Variants in COL4A5 observed in about 807,000 individuals in gnomAD.
COL4A5 encodes the protein collagen type IV alpha 5 chain, also known as collagen alpha-5(IV) chain.
Under a neutral mutation model 130.2 loss-of-function variants are expected in COL4A5, and 26 were observed. The ratio of observed to expected loss-of-function variants is 0.20; its 90% CI spans 0.15 to 0.28. The LOEUF is 0.28. Among genes scored for constraint, COL4A5 ranks in the 10% least tolerant of loss-of-function variants. COL4A5 has a pLI of 1.00. For missense variants in COL4A5, 1,131 were observed against 1,344.3 expected (o/e 0.84, Z 2.48); for synonymous variants, 496 against 439.6 (o/e 1.13, Z -1.60).
At chrX:108,445,327 T>C (rs1432969629) in intron 1 of COL4A5, among the ~76,000 whole-genome samples, 1 of 111,835 alleles carries the variant, frequency 8.9e-6, no homozygotes, top group Non-Finnish European at 1.9e-5. Context: ...GATTAGAATT[T>C]TGTGGATTCA....
intron 47 of COL4A5, among the ~76,000 whole-genome samples, chrX:108,684,879 G>A (rs2068513898): frequency 8.9e-6 from 1 of 112,429 alleles, no homozygotes; most frequent in South Asian, 3.7e-4. Context: ...ACCAAATCCA[G>A]CAGCACATCA....
intron 2 of COL4A5, among the ~76,000 whole-genome samples, chrX:108,558,216 G>T (rs1220517876): frequency 9.2e-6 from 1 of 109,235 alleles, no homozygotes; most frequent in Non-Finnish European, 1.9e-5. Flanking sequence ...TGAGCCTTCG[G>T]GGTTCTTAAA....
chrX:108,646,905 A>C (rs2067603120), intron 36 of COL4A5, among the ~76,000 whole-genome samples: 1 of 108,769 alleles, frequency 9.2e-6, no homozygotes, highest in Non-Finnish European at 1.9e-5. Context: ...ATGCGGCATT[A>C]TTTCTGAGGG....
chrX:108,606,789 T>C lies in COL4A5; in HGVS notation c.2292T>C (p.Leu764=). The change falls in exon 29 of 53, where the codon CTT becomes CTC. Residue 764 remains leucine, a synonymous_variant. Transcript: ENST00000328300. ...CTGGGCCACCTGGGCCACCAGGACT[T>C]CCAGGTTTCAAAGGAGCACTTGGTC... The part of the protein sequence containing the change: ...ALPGPPGPPG[L]PGFKGALGPK... 8.3e-7 allele frequency: 1 copy of C among 1,211,466 alleles called. No homozygotes were observed. Among genetic ancestry groups the C allele is most frequent in the Non-Finnish European group, 1.1e-6 (1 of 895,154 alleles).
intron 30 of COL4A5, among the ~76,000 whole-genome samples, chrX:108,616,584 GT>G (rs1960577815): frequency 9.0e-6 from 1 of 111,264 alleles, no homozygotes; most frequent in African/African-American, 3.3e-5. Flanking sequence ...CTCCTATGGT[GT>G]TTTGTCATTT....
chrX:108,680,693 G>T lies in COL4A5; in HGVS notation c.3957G>T (p.Arg1319=), dbSNP rs758920904. The change falls in exon 45 of 53, where the codon CGG becomes CGT. Residue 1319 remains arginine (R), a synonymous_variant. Coordinates refer to ENST00000328300, the MANE Select transcript of COL4A5 (RefSeq NM_033380.3). ...TATTTATTCAGGGTAATCCTGGCCGGCCGGGTCTCAATGGAATGAAAGGAG... is the reference window on the plus strand; with the variant it reads ...TATTTATTCAGGGTAATCCTGGCCGTCCGGGTCTCAATGGAATGAAAGGAG... ...GPPGLQGNPG[R]PGLNGMKGDP... is the part of the protein sequence containing the mutation. 3.7e-5 allele frequency: 45 copies of T among 1,207,313 alleles called. No individual in the cohort carries two copies. The highest frequency in any genetic ancestry group is 5.0e-5 in the Non-Finnish European group (45 of 893,563).
At chrX:108,584,593 C>T (rs2066305004) in intron 18 of COL4A5, 68 bp downstream of exon 18, 7 of 885,529 alleles carry the variant, frequency 7.9e-6, no homozygotes, top group Admixed American at 5.1e-5. Flanking sequence ...GTGCCTTAAT[C>T]GCATACTCCC....
At position 108,692,668 on chromosome X, in the gene COL4A5, G is replaced by A. The variant is rs957663489; in HGVS notation, c.4529-80G>A. 1.6e-4 allele frequency: 148 copies of A among 938,856 alleles called. 1 individual carries two copies. Among genetic ancestry groups the A allele is most frequent in the Middle Eastern group, 1.1e-3 (4 of 3,770 alleles). The allele number at this position is 938,856 out of a possible 1,213,427, so 77.4% of individuals were successfully genotyped here. A position where few individuals can be genotyped will look rare whatever the true frequency, so the allele number is the denominator to read the frequency against. ...AAAGGCTGGCAAGTTTCCTTGAAAG[G>A]CTGTTTGCTATTGTTTTAGAAGAAA... On this transcript the variant is annotated intron_variant, in intron 49 of 52. Coordinates refer to ENST00000328300, the MANE Select transcript of COL4A5 (RefSeq NM_033380.3).
At chrX:108,659,530 CT>C (rs1325844038) in intron 37 of COL4A5, among the ~76,000 whole-genome samples, 3 of 110,219 alleles carry the variant, frequency 2.7e-5, no homozygotes, top group Non-Finnish European at 5.7e-5. Context: ...TCTATTTCTC[CT>C]TTTCTCTCTG....
chrX:108,455,988 C>T (rs749251498), intron 1 of COL4A5, among the ~76,000 whole-genome samples: 4 of 111,702 alleles, frequency 3.6e-5, no homozygotes, highest in Non-Finnish European at 7.5e-5. Context: ...TTAATCTTGC[C>T]AAATTTTGCT....
chrX:108,670,800 G>A (rs2068188023), intron 42 of COL4A5: 1 of 277,903 alleles, frequency 3.6e-6, no homozygotes. Flanking sequence ...CCAGCACTTT[G>A]GGAGGCCAAG....
intron 1 of COL4A5, among the ~76,000 whole-genome samples, chrX:108,514,079 T>C (rs1005812822): frequency 1.8e-5 from 2 of 111,931 alleles, no homozygotes; most frequent in African/African-American, 6.5e-5. Context: ...TTCTGTTTCA[T>C]TGATTTATTT....
intron 47 of COL4A5, among the ~76,000 whole-genome samples, chrX:108,685,637 T>A (rs1296702940): frequency 8.9e-6 from 1 of 112,295 alleles, no homozygotes; most frequent in Non-Finnish European, 1.9e-5. Flanking sequence ...ATAGCCAACT[T>A]TCATTAATCA....
chrX:108,541,343 A>G (rs1367545497), intron 2 of COL4A5, among the ~76,000 whole-genome samples: 1 of 112,368 alleles, frequency 8.9e-6, no homozygotes, highest in Non-Finnish European at 1.9e-5. Flanking sequence ...TTTTGAGATA[A>G]GAATGGAATA....
intron 2 of COL4A5, among the ~76,000 whole-genome samples, chrX:108,557,602 A>AT (rs753613142): frequency 9.0e-6 from 1 of 111,560 alleles, no homozygotes; most frequent in Non-Finnish European, 1.9e-5. Flanking sequence ...TCAGCATAAA[A>AT]TCATCTAAGC....
chrX:108,508,925 C>T (rs2065154841), intron 1 of COL4A5, among the ~76,000 whole-genome samples: 2 of 111,806 alleles, frequency 1.8e-5, no homozygotes, highest in South Asian at 3.7e-4. Context: ...ATGTATTAAA[C>T]AATTAAATGT....
At chrX:108,473,758 A>G (rs2064805874) in intron 1 of COL4A5, among the ~76,000 whole-genome samples, 1 of 102,782 alleles carries the variant, frequency 9.7e-6, no homozygotes, top group Admixed American at 1.1e-4. Flanking sequence ...CAGCCTCCCA[A>G]GTAGCTGGGA....
intron 30 of COL4A5, among the ~76,000 whole-genome samples, chrX:108,619,130 A>G (rs912451612): frequency 1.8e-5 from 2 of 111,498 alleles, no homozygotes; most frequent in African/African-American, 6.5e-5. Flanking sequence ...TTTACTGTAA[A>G]ATGGCAGCAT....
intron 3 of COL4A5, among the ~76,000 whole-genome samples, chrX:108,563,386 T>C (rs1034490998): frequency 3.6e-5 from 4 of 111,070 alleles, no homozygotes; most frequent in African/African-American, 1.3e-4. Context: ...TTTTAAATCG[T>C]TCTTACGCTC....
Sources: allele counts gnomAD v4.1 joint callset (sites outside exome capture counted in the v4.1 genomes callset), GRCh38; gene constraint gnomAD v4.1.1; transcripts MANE v1.5; gene names NCBI Gene and HGNC (gene_info 2026-07-23, HGNC 2026-07-21).